Variants in FOXP1 observed in about 807,000 individuals in gnomAD.
The protein encoded by FOXP1 is forkhead box P1, also known as forkhead box protein P1.
A neutral mutation model predicts 98.2 loss-of-function variants in FOXP1; 15 were observed. The ratio of observed to expected loss-of-function variants is 0.15; its 90% confidence interval spans 0.10 to 0.24. The LOEUF is 0.24. Ranked by LOEUF, FOXP1 falls within the 10% of genes least tolerant of loss-of-function variation. The pLI, the probability that FOXP1 is intolerant of heterozygous loss-of-function variation, is 1.00. For missense variants in FOXP1, 633 were observed against 848.5 expected (o/e 0.75, Z 3.15); for synonymous variants, 371 against 314.5 (o/e 1.18, Z -1.90).
intron 5 of FOXP1, among the ~76,000 whole-genome samples, chr3:71,243,422 C>T (rs766683773): frequency 6.6e-6 from 1 of 152,290 alleles, no homozygotes; most frequent in Non-Finnish European, 1.5e-5. Flanking sequence ...ATTCTTAGCA[C>T]TCGAGTCCCG....
At chr3:71,277,194 G>T (rs928303015) in intron 5 of FOXP1, among the ~76,000 whole-genome samples, 1 of 151,086 alleles carries the variant, frequency 6.6e-6, no homozygotes, top group Non-Finnish European at 1.5e-5. Flanking sequence ...TCCTGACCTC[G>T]TGATCTGCCC....
intron 4 of FOXP1, among the ~76,000 whole-genome samples, chr3:71,322,727 A>G (rs1349537409): frequency 6.6e-6 from 1 of 152,204 alleles, no homozygotes; most frequent in African/African-American, 2.4e-5. Context: ...TTAGGATCCA[A>G]CTATGAAGGT....
chr3:71,466,545 G>C (rs2088761678), intron 3 of FOXP1, among the ~76,000 whole-genome samples: 1 of 152,188 alleles, frequency 6.6e-6, no homozygotes, highest in South Asian at 2.1e-4. Flanking sequence ...CGTTTATTAT[G>C]CTATGCGAAT....
intron 7 of FOXP1, among the ~76,000 whole-genome samples, chr3:71,066,631 C>T (rs779687070): frequency 6.6e-6 from 1 of 152,216 alleles, no homozygotes; most frequent in Non-Finnish European, 1.5e-5. Context: ...AACCAATGTA[C>T]AGGGAGAAAG....
intron 3 of FOXP1, among the ~76,000 whole-genome samples, chr3:71,422,564 C>T (rs925400708): frequency 3.3e-5 from 5 of 152,232 alleles, no homozygotes; most frequent in African/African-American, 9.6e-5. Flanking sequence ...CAACTGAAAA[C>T]AGGTTTCCAC....
intron 6 of FOXP1, among the ~76,000 whole-genome samples, chr3:71,183,586 T>G (rs1176187550): frequency 6.6e-6 from 1 of 152,204 alleles, no homozygotes; most frequent in African/African-American, 2.4e-5. Context: ...CATGATACAT[T>G]TTATTTAGAC....
intron 6 of FOXP1, among the ~76,000 whole-genome samples, chr3:71,184,901 T>C (rs888699229): frequency 6.6e-6 from 1 of 152,098 alleles, no homozygotes; most frequent in East Asian, 1.9e-4. Context: ...ATAAAAATGA[T>C]GGTATTAGAG....
chr3:71,335,906 A>C (rs577228533), intron 4 of FOXP1, among the ~76,000 whole-genome samples: 35 of 148,842 alleles, frequency 2.4e-4, no homozygotes, highest in African/African-American at 7.6e-4. Flanking sequence ...TCAGGAGGCT[A>C]AGGTAGGAGA....
In FOXP1 at chr3:71,233,233, G is replaced by A. The variant is rs375622286; in HGVS notation, c.-11-34841C>T. ...AGAGAAGGGGAGGGAAGGCATGGGA[G>A]GGGAGGGAAGGGGAGAGGAGGGAAG... On this transcript the variant is annotated intron_variant, in intron 5 of 20. Coordinates refer to ENST00000649528, the MANE Select transcript of FOXP1 (RefSeq NM_001349338.3). Among the ~76,000 whole-genome samples the A allele has an allele frequency of 2.3e-4, 34 of 149,216 alleles. 1 individual carries two copies. The East Asian group carries it at 4.6e-3, about 20-fold the overall frequency.
chr3:71,529,611 G>A (rs564599263), intron 2 of FOXP1, among the ~76,000 whole-genome samples: 3 of 152,188 alleles, frequency 2.0e-5, no homozygotes, highest in Non-Finnish European at 4.4e-5. Flanking sequence ...AGGGACTGAA[G>A]GTTAAGTTGA....
At chr3:71,165,860 T>A (rs2061375258) in intron 6 of FOXP1, among the ~76,000 whole-genome samples, 1 of 152,146 alleles carries the variant, frequency 6.6e-6, no homozygotes, top group South Asian at 2.1e-4. Context: ...CAGTCCAGGT[T>A]GTAGAATGAG....
chr3:71,480,492 C>G (rs962313032), intron 3 of FOXP1, among the ~76,000 whole-genome samples: 1 of 152,214 alleles, frequency 6.6e-6, no homozygotes, highest in African/African-American at 2.4e-5. Flanking sequence ...CACAATGTTT[C>G]GTTCCCAAAT....
At chr3:71,435,269 AG>A (rs1560482666) in intron 3 of FOXP1, among the ~76,000 whole-genome samples, 1 of 7,678 alleles carries the variant, frequency 1.3e-4, no homozygotes, top group African/African-American at 5.8e-4. Context: ...GGAGGGAGGG[AG>A]GGAAGAAGGG....
intron 6 of FOXP1, among the ~76,000 whole-genome samples, chr3:71,173,420 C>CA (rs1398092781): frequency 6.7e-6 from 1 of 149,324 alleles, no homozygotes; most frequent in Non-Finnish European, 1.5e-5. Flanking sequence ...CACACACACA[C>CA]ACTTTTTGCC....
chr3:71,266,393 G>A (rs1041183185), intron 5 of FOXP1, among the ~76,000 whole-genome samples: 1 of 151,806 alleles, frequency 6.6e-6, no homozygotes, highest in Non-Finnish European at 1.5e-5. Flanking sequence ...GGGACTACAG[G>A]TGCCCGCCAC....
intron 3 of FOXP1, among the ~76,000 whole-genome samples, chr3:71,463,259 G>A (rs1191562489): frequency 1.3e-5 from 2 of 151,340 alleles, no homozygotes; most frequent in East Asian, 3.9e-4. Flanking sequence ...AGCTACTCAG[G>A]AGGCTGAGGC....
chr3:71,176,890 C>T (rs1379889399), intron 6 of FOXP1, among the ~76,000 whole-genome samples: 4 of 151,842 alleles, frequency 2.6e-5, no homozygotes, highest in Admixed American at 2.0e-4. Flanking sequence ...CGTGAAACCC[C>T]ATCTCTACTA....
chr3:71,444,370 ATTT>A (rs397947125), intron 3 of FOXP1, among the ~76,000 whole-genome samples: 3 of 143,002 alleles, frequency 2.1e-5, no homozygotes, highest in Non-Finnish European at 1.5e-5. Context: ...ACAATCAAGG[ATTT>A]TTTTTTTTTT....
At chr3:71,488,214 C>T (rs935736248) in intron 3 of FOXP1, among the ~76,000 whole-genome samples, 17 of 152,154 alleles carry the variant, frequency 1.1e-4, no homozygotes, top group Non-Finnish European at 2.2e-4. Context: ...CAATAGAATT[C>T]ATTAAAACAA....
Sources: allele counts gnomAD v4.1 joint callset (sites outside exome capture counted in the v4.1 genomes callset), GRCh38; gene constraint gnomAD v4.1.1; transcripts MANE v1.5; gene names NCBI Gene and HGNC (gene_info 2026-07-23, HGNC 2026-07-21).